Variants in TRHDE observed in about 807,000 individuals in gnomAD.
The protein encoded by TRHDE is thyrotropin-releasing hormone-degrading ectoenzyme.
In TRHDE, 72 loss-of-function variants were observed where a neutral mutation model predicts 125.7. The ratio of observed to expected loss-of-function variants is 0.57; its 90% CI spans 0.47 to 0.70. The LOEUF (loss-of-function observed/expected upper bound fraction) is 0.70. Ranked by LOEUF, TRHDE falls within the 30% of genes least tolerant of loss-of-function variation. The pLI is 0.00. For synonymous variants in TRHDE, 509 were observed against 509.1 expected (o/e 1.00, Z 0.00); for missense variants, 1,110 against 1,327.1 (o/e 0.84, Z 2.54).
chr12:72,602,016 T>C (rs1436888308), intron 12 of TRHDE, among the ~76,000 whole-genome samples: 1 of 152,194 alleles, frequency 6.6e-6, no homozygotes, highest in African/African-American at 2.4e-5. Flanking sequence ...GAAGAACAAG[T>C]TGAATTCTTT....
At chr12:72,235,245 T>C (rs1878318155) in intron 2 of TRHDE, among the ~76,000 whole-genome samples, 1 of 152,168 alleles carries the variant, frequency 6.6e-6, no homozygotes, top group South Asian at 2.1e-4. Context: ...GTTAATGAGG[T>C]TTATTTTATT....
chr12:72,436,922 T>G (rs1874773502), intron 3 of TRHDE, among the ~76,000 whole-genome samples: 1 of 151,896 alleles, frequency 6.6e-6, no homozygotes. Context: ...ATCTACATAT[T>G]AAATTTATAT....
rs368431385 is a variant in TRHDE, at chr12:72,108,386, A to G, written n.279+2634A>G. On this transcript the variant is annotated intron_variant and non_coding_transcript_variant, in intron 2 of 4. Coordinates refer to the TRHDE transcript ENST00000548156. ...TATATGAATGATTTTCAGTTTTTAC[A>G]TATGTTGACAGAATAGTTATAATAT... Among the ~76,000 whole-genome samples, 18 of 152,228 alleles carry G rather than the reference A, an allele frequency of 1.2e-4. No homozygotes were observed. The East Asian group carries it at 2.9e-3, about 24-fold the overall frequency.
intron 2 of TRHDE, among the ~76,000 whole-genome samples, chr12:72,113,835 G>C (rs536631902): frequency 6.6e-6 from 1 of 152,098 alleles, no homozygotes; most frequent in Non-Finnish European, 1.5e-5. Context: ...TACCTTGAAA[G>C]ATGCTTTGAA....
At chr12:72,268,483 T>C (rs573830126), upstream of TRHDE, among the ~76,000 whole-genome samples, 1 of 152,122 alleles carries the variant, frequency 6.6e-6, no homozygotes, top group East Asian at 1.9e-4. Context: ...CACTAACATA[T>C]TGAGAAATTG....
chr12:72,638,569 C>T (rs1873875001), intron 15 of TRHDE, among the ~76,000 whole-genome samples: 1 of 151,146 alleles, frequency 6.6e-6, no homozygotes, highest in Non-Finnish European at 1.5e-5. Context: ...GGTGATTTTG[C>T]TTATTAGTTG....
At chr12:72,103,962 G>A (rs1301145095) in intron 1 of TRHDE, among the ~76,000 whole-genome samples, 2 of 152,198 alleles carry the variant, frequency 1.3e-5, no homozygotes, top group African/African-American at 4.8e-5. Context: ...TAGAAGGCAA[G>A]GTATAGGAGG....
In TRHDE at chr12:72,186,801, C is replaced by G. The variant is rs975999850; in HGVS notation, n.279+81049C>G. 3.3e-5 allele frequency among the ~76,000 whole-genome samples: 5 copies of G among 151,680 alleles called. No individual in the cohort carries two copies. In the South Asian group the frequency reaches 1.0e-3, roughly 32 times the overall value. On this transcript the variant is annotated intron_variant and non_coding_transcript_variant, in intron 2 of 4. Transcript: ENST00000548156. ...TGGATCTTTTTTTTTTTAAGTCCTA[C>G]TACTGCAGTTGTAAGTGGCTCTCCT...
At chr12:72,639,940 T>A (rs1158271845) in intron 15 of TRHDE, among the ~76,000 whole-genome samples, 2 of 137,928 alleles carry the variant, frequency 1.5e-5, no homozygotes, top group Non-Finnish European at 3.1e-5. Flanking sequence ...TCTGTAGAGG[T>A]TACTGCTGTC....
rs570742089 is a variant in TRHDE at position 72,576,835 on chromosome 12, T to C, written c.2321+1293T>C. On this transcript the variant is annotated intron_variant, in intron 12 of 18. Coordinates refer to ENST00000261180, the MANE Select transcript of TRHDE (RefSeq NM_013381.3). ...GAATGGCAAATCTAAGGACAACTTATCAACAACGTGGAAATTGCTAATGAA... is the reference window on the plus strand; with the variant it reads ...GAATGGCAAATCTAAGGACAACTTACCAACAACGTGGAAATTGCTAATGAA... 5.9e-5 allele frequency among the ~76,000 whole-genome samples: 9 copies of C among 152,266 alleles called. No individual in the cohort carries two copies. The South Asian group carries it at 1.5e-3, about 25-fold the overall frequency.
In TRHDE at chr12:72,574,180, A is replaced by G. The variant is rs74325315; in HGVS notation, c.2132-1075A>G. ...CTCTGTAAATGTATTCCTTCAAGGT[A>G]ATGAGAGGGAAAATTTATTTTCTAT... is the stretch of plus-strand genomic sequence containing the variant. On this transcript the variant is annotated intron_variant, in intron 10 of 18. Coordinates refer to ENST00000261180, the MANE Select transcript of TRHDE (RefSeq NM_013381.3). Among the ~76,000 whole-genome samples, 599 of 152,116 alleles carry G rather than the reference A, an allele frequency of 3.9e-3. 7 individuals carry two copies. Among genetic ancestry groups the G allele is most frequent in the Non-Finnish European group, 5.4e-3 (366 of 67,886 alleles).
upstream of TRHDE, among the ~76,000 whole-genome samples, chr12:72,269,325 C>T (rs962439368): frequency 6.6e-6 from 1 of 152,046 alleles, no homozygotes; most frequent in Admixed American, 6.6e-5. Flanking sequence ...TTTTATTATG[C>T]AAAGTTACAT....
intron 3 of TRHDE, among the ~76,000 whole-genome samples, chr12:72,414,035 G>A (rs1003233500): frequency 4.6e-5 from 7 of 151,998 alleles, no homozygotes; most frequent in Non-Finnish European, 7.4e-5. Flanking sequence ...TATATAGGCT[G>A]CCTCTGTCAG....
At chr12:72,528,142 A>G (rs965467282) in intron 6 of TRHDE, among the ~76,000 whole-genome samples, 1 of 152,210 alleles carries the variant, frequency 6.6e-6, no homozygotes, top group Non-Finnish European at 1.5e-5. Context: ...AGTATTTTGT[A>G]TTCAAAATGT....
chr12:72,556,958 G>A (rs532990569), intron 7 of TRHDE, among the ~76,000 whole-genome samples: 1 of 152,228 alleles, frequency 6.6e-6, no homozygotes, highest in East Asian at 1.9e-4. Context: ...AAGCACTATT[G>A]GTGGTGGTCT....
At chr12:72,541,362 T>C (rs1158260924) in intron 6 of TRHDE, among the ~76,000 whole-genome samples, 1 of 151,580 alleles carries the variant, frequency 6.6e-6, no homozygotes, top group African/African-American at 2.4e-5. Context: ...TGTAATTCCT[T>C]GGAATGTTTC....
chr12:72,129,712 C>CAA (rs1230782849), intron 2 of TRHDE, among the ~76,000 whole-genome samples: 2 of 152,122 alleles, frequency 1.3e-5, no homozygotes, highest in African/African-American at 4.8e-5. Flanking sequence ...AATATATACA[C>CAA]AAGACTTTTA....
intron 3 of TRHDE, among the ~76,000 whole-genome samples, chr12:72,420,781 T>C (rs1873919143): frequency 6.6e-6 from 1 of 152,128 alleles, no homozygotes; most frequent in African/African-American, 2.4e-5. Flanking sequence ...ATGTAGGGAA[T>C]ATATCTCAAC....
chr12:72,533,241 C>T (rs1868653865), intron 6 of TRHDE, among the ~76,000 whole-genome samples: 1 of 151,878 alleles, frequency 6.6e-6, no homozygotes, highest in Non-Finnish European at 1.5e-5. Flanking sequence ...GTGGCGTGAT[C>T]TCAGCTCACT....
Sources: gnomAD v4.1 joint callset for allele counts (sites outside exome capture counted in the v4.1 genomes callset) on GRCh38, gnomAD v4.1.1 for gene constraint, MANE v1.5 for transcripts, NCBI Gene and HGNC (gene_info 2026-07-23, HGNC 2026-07-21) for gene names.